Variants in UNC5C observed in about 807,000 individuals in gnomAD.
The protein encoded by UNC5C is netrin receptor UNC5C.
In UNC5C, 47 loss-of-function variants were observed where a neutral mutation model predicts 99.8. The observed-to-expected ratio is 0.47, with a 90% CI of 0.37 to 0.60. The LOEUF (loss-of-function observed/expected upper bound fraction) is 0.60, where lower values mean the gene tolerates loss of function less well. UNC5C is among the 20% of genes least tolerant of loss of function. The probability of loss-of-function intolerance (pLI) is 0.00; values close to 1 mark genes in which losing one functional copy is unlikely to be tolerated. For synonymous variants in UNC5C, 487 were observed against 452.2 expected (o/e 1.08, Z -0.98); for missense variants, 1,062 against 1,165.9 (o/e 0.91, Z 1.30).
chr4:95,265,597 C>A (rs1740414879), intron 4 of UNC5C, among the ~76,000 whole-genome samples: 1 of 152,196 alleles, frequency 6.6e-6, no homozygotes, highest in African/African-American at 2.4e-5. Context: ...TGAATGACTT[C>A]TCCCCAAATA....
At chr4:95,278,119 C>G in intron 4 of UNC5C, 140 bp downstream of exon 4, 1 of 672,072 alleles carries the variant, frequency 1.5e-6, no homozygotes, top group Non-Finnish European at 2.6e-6. Context: ...ATCTATTTTG[C>G]CAGCAGCAGG....
At chr4:95,181,768 G>GGAAA (rs1736622249) in intron 14 of UNC5C, among the ~76,000 whole-genome samples, 1 of 152,288 alleles carries the variant, frequency 6.6e-6, no homozygotes, top group Admixed American at 6.5e-5. Flanking sequence ...GCAGGCTGTG[G>GGAAA]GAAAGAAAGA....
At chr4:95,342,561 G>T (rs1743618047) in intron 1 of UNC5C, among the ~76,000 whole-genome samples, 1 of 151,984 alleles carries the variant, frequency 6.6e-6, no homozygotes, top group Admixed American at 6.6e-5. Context: ...AGACGTGCTG[G>T]CTTCATATGG....
chr4:95,230,087 A>G (rs1203669426), intron 7 of UNC5C, among the ~76,000 whole-genome samples: 1 of 152,032 alleles, frequency 6.6e-6, no homozygotes, highest in African/African-American at 2.4e-5. Context: ...CTGGGATTAC[A>G]GGTGTGAGCC....
chr4:95,424,688 AT>A (rs368111024), intron 1 of UNC5C, among the ~76,000 whole-genome samples: 15 of 149,330 alleles, frequency 1.0e-4, no homozygotes, highest in East Asian at 2.0e-4. Context: ...CGCCCAGCTA[AT>A]TTTTTTGTAT....
intron 2 of UNC5C, among the ~76,000 whole-genome samples, chr4:95,330,892 G>A (rs2149418430): frequency 6.6e-6 from 1 of 151,988 alleles, no homozygotes; most frequent in African/African-American, 2.4e-5. Flanking sequence ...GTAAAGTCAG[G>A]GCTTTTGGGG....
chr4:95,361,954 T>G (rs1318608333), intron 1 of UNC5C, among the ~76,000 whole-genome samples: 1 of 148,064 alleles, frequency 6.8e-6, no homozygotes, highest in Non-Finnish European at 1.5e-5. Flanking sequence ...AAAAACAGAT[T>G]ATCTATTATC....
At chr4:95,249,744 G>T (rs1034425260) in intron 5 of UNC5C, among the ~76,000 whole-genome samples, 1 of 152,120 alleles carries the variant, frequency 6.6e-6, no homozygotes, top group African/African-American at 2.4e-5. Flanking sequence ...AAAGGACCAG[G>T]GTGTGGGAGG....
intron 1 of UNC5C, among the ~76,000 whole-genome samples, chr4:95,473,576 T>C (rs549793159): frequency 1.4e-3 from 209 of 152,288 alleles, no homozygotes; most frequent in African/African-American, 4.9e-3. Context: ...TTTCATGTTG[T>C]CCTGATACAG....
At position 95,473,240 on chromosome 4, in the gene UNC5C, C is replaced by T. The variant is rs963645382; in HGVS notation, c.124+75494G>A. 3.9e-5 allele frequency among the ~76,000 whole-genome samples: 6 copies of T among 152,234 alleles called. No individual in the cohort carries two copies. The South Asian group carries it at 6.2e-4, about 16-fold the overall frequency. The stretch of plus-strand genomic sequence containing the variant: ...CAATTATACTGAAAATATCTGCAAC[C>T]TGATTTTAATCAATTGCTTAGATTT... On this transcript the variant is annotated intron_variant, in intron 1 of 15. Transcript: ENST00000453304.
chr4:95,405,473 C>A (rs1745808940), intron 1 of UNC5C, among the ~76,000 whole-genome samples: 1 of 152,198 alleles, frequency 6.6e-6, no homozygotes, highest in African/African-American at 2.4e-5. Flanking sequence ...TTCCAGTGAT[C>A]CTCAGGGGGA....
In UNC5C at chr4:95,163,689, G is replaced by T. The variant is rs1179586424; in HGVS notation, c.*5545C>A. ...TCTGAAATGGTATGTTAAAAGGCTGGCATTCAGTAGCAAATACTATGGCAG... is the reference window on the plus strand; with the variant it reads ...TCTGAAATGGTATGTTAAAAGGCTGTCATTCAGTAGCAAATACTATGGCAG... On this transcript the variant is annotated 3_prime_UTR_variant, in exon 16 of 16. Transcript: ENST00000453304. 1 of 152,166 alleles carries T rather than the reference G, an allele frequency of 6.6e-6. No individual in the cohort carries two copies. Among genetic ancestry groups the T allele is most frequent in the Non-Finnish European group, 1.5e-5 (1 of 68,030 alleles). 9.4% of individuals were successfully genotyped at this position (152,166 alleles called of 1,614,324 possible).
chr4:95,435,780 G>T (rs1746763859), intron 1 of UNC5C, among the ~76,000 whole-genome samples: 1 of 152,022 alleles, frequency 6.6e-6, no homozygotes, highest in Non-Finnish European at 1.5e-5. Flanking sequence ...TCTCTTTCAA[G>T]GTGAAGTCCA....
intron 1 of UNC5C, among the ~76,000 whole-genome samples, chr4:95,545,931 A>G (rs1260055355): frequency 1.3e-5 from 2 of 152,238 alleles, no homozygotes; most frequent in East Asian, 1.9e-4. Context: ...CCTACAGCCT[A>G]GAGAATTTCC....
chr4:95,271,232 ATTT>A (rs201364522), intron 4 of UNC5C, among the ~76,000 whole-genome samples: 1 of 112,286 alleles, frequency 8.9e-6, no homozygotes, highest in Non-Finnish European at 2.1e-5. Flanking sequence ...TTTTTTATTT[ATTT>A]TTTTTTTTTT....
chr4:95,398,442 C>A (rs1411674316), intron 1 of UNC5C, among the ~76,000 whole-genome samples: 1 of 152,082 alleles, frequency 6.6e-6, no homozygotes, highest in Admixed American at 6.6e-5. Context: ...CTCATTCATT[C>A]ATTCATTCAT....
At chr4:95,267,802 A>G (rs1027453333) in intron 4 of UNC5C, among the ~76,000 whole-genome samples, 2 of 152,106 alleles carry the variant, frequency 1.3e-5, no homozygotes, top group African/African-American at 2.4e-5. Context: ...AATACAAAAA[A>G]AAAATCATTT....
rs749399501 is a variant in UNC5C, at chr4:95,250,665, C to T, written c.597G>A (p.Val199=). The change falls in exon 5 of 16, where the codon GTG becomes GTA. Residue 199 remains valine, a splice_region_variant and synonymous_variant. Coordinates refer to ENST00000453304, the MANE Select transcript of UNC5C (RefSeq NM_003728.4). ...RPPEGIPVAE[V]EWLKNEDIID... ...TTATGTCTTCATTTTTCAACCATTC[C>T]ACCTAAAGATAAATGAGAAAAGTAG... is the stretch of plus-strand genomic sequence containing the variant. 3.1e-6 allele frequency: 5 copies of T among 1,613,532 alleles called. No homozygotes were observed. The Admixed American group carries it at 8.3e-5, about 27-fold the overall frequency.
At chr4:95,455,646 A>G (rs1747406704) in intron 1 of UNC5C, among the ~76,000 whole-genome samples, 2 of 152,078 alleles carry the variant, frequency 1.3e-5, no homozygotes, top group African/African-American at 2.4e-5. Context: ...AAATAAATAT[A>G]TAAATAAAGT....
Sources: allele counts gnomAD v4.1 joint callset (sites outside exome capture counted in the v4.1 genomes callset), GRCh38; gene constraint gnomAD v4.1.1; transcripts MANE v1.5; gene names NCBI Gene and HGNC (gene_info 2026-07-23, HGNC 2026-07-21).